SYNPO2: variants seen among roughly 807,000 people sequenced by gnomAD.
SYNPO2 encodes the protein synaptopodin 2, also known as synaptopodin-2.
Under a neutral mutation model 85.0 loss-of-function variants are expected in SYNPO2, and 56 were observed. The ratio of observed to expected loss-of-function variants is 0.66; its 90% CI spans 0.53 to 0.82. SYNPO2 has a LOEUF of 0.82. Ranked by LOEUF, SYNPO2 falls within the 40% of genes least tolerant of loss-of-function variation. The probability of loss-of-function intolerance (pLI) is 0.00; values close to 1 mark genes in which losing one functional copy is unlikely to be tolerated. For missense variants in SYNPO2, 1,575 were observed against 1,534.2 expected, an observed-to-expected ratio of 1.03 and a Z score of -0.44; for synonymous variants, 602 against 591.1, an observed-to-expected ratio of 1.02 and a Z score of -0.27.
chr4:118,981,739 C>T (rs1320967644), intron 1 of SYNPO2, among the ~76,000 whole-genome samples: 1 of 152,172 alleles, frequency 6.6e-6, no homozygotes, highest in African/African-American at 2.4e-5. Flanking sequence ...ACAAAACAAG[C>T]TTGTGGTTGT....
At chr4:118,973,024 A>T (rs1014629431) in intron 1 of SYNPO2, among the ~76,000 whole-genome samples, 4 of 152,212 alleles carry the variant, frequency 2.6e-5, no homozygotes, top group Admixed American at 2.6e-4. Flanking sequence ...CAATGGGCTT[A>T]TACATGCATT....
intron 1 of SYNPO2, among the ~76,000 whole-genome samples, chr4:118,935,679 C>G (rs535500182): frequency 6.6e-6 from 1 of 152,342 alleles, no homozygotes; most frequent in Admixed American, 6.5e-5. Flanking sequence ...TTGACTCCCC[C>G]AAAACTTAGC....
chr4:119,056,385 C>T (rs935709983), intron 4 of SYNPO2, among the ~76,000 whole-genome samples: 2 of 151,792 alleles, frequency 1.3e-5, no homozygotes, highest in African/African-American at 4.8e-5. Flanking sequence ...GAGATCCTGT[C>T]TGTAAAAAAG....
rs76494884 is a variant in SYNPO2 at position 118,949,750 on chromosome 4, A to AAAAATAAAAT, written c.105+60625_105+60634dup. Among the ~76,000 whole-genome samples the AAAAATAAAAT allele has an allele frequency of 6.1e-3, 931 of 151,406 alleles. 41 individuals carry two copies. In the East Asian group the frequency reaches 0.13, roughly 21 times the overall value. ...GGCGACAGAGCAAGACTCTGTCTCA[A>AAAAATAAAAT]AAAATAAAATAAAATAAAATAAAAT... On this transcript the variant is annotated intron_variant, in intron 1 of 4. Transcript: ENST00000307142.
intron 1 of SYNPO2, among the ~76,000 whole-genome samples, chr4:118,940,279 G>A (rs1161693677): frequency 1.3e-5 from 2 of 152,050 alleles, no homozygotes; most frequent in Non-Finnish European, 2.9e-5. Context: ...GAGTCACTGC[G>A]CCTGGCCGCC....
intron 1 of SYNPO2, among the ~76,000 whole-genome samples, chr4:118,858,722 G>A (rs1731555617): frequency 6.6e-6 from 1 of 152,034 alleles, no homozygotes; most frequent in African/African-American, 2.4e-5. Context: ...GGATGACTTG[G>A]GGATAATATA....
At chr4:119,007,120 C>T (rs1314458803) in intron 1 of SYNPO2, among the ~76,000 whole-genome samples, 1 of 147,922 alleles carries the variant, frequency 6.8e-6, no homozygotes, top group Non-Finnish European at 1.5e-5. Context: ...CTCCCCTTCC[C>T]TTTCTCTCTT....
chr4:118,860,389 G>A (rs563571527), intron 1 of SYNPO2, among the ~76,000 whole-genome samples: 25 of 151,760 alleles, frequency 1.6e-4, no homozygotes, highest in African/African-American at 4.8e-4. Context: ...GACTACAGGC[G>A]TGCACCACCA....
intron 1 of SYNPO2, among the ~76,000 whole-genome samples, chr4:118,903,609 C>A (rs1039143210): frequency 1.3e-5 from 2 of 152,066 alleles, no homozygotes; most frequent in Admixed American, 6.6e-5. Context: ...AGTTACTAAT[C>A]AAGATTACTT....
intron 1 of SYNPO2, among the ~76,000 whole-genome samples, chr4:118,994,935 C>G (rs1560956862): frequency 6.6e-6 from 1 of 152,182 alleles, no homozygotes; most frequent in Non-Finnish European, 1.5e-5. Context: ...GGATTTTAGG[C>G]ATATAACCAT....
intron 2 of SYNPO2, among the ~76,000 whole-genome samples, chr4:119,026,348 T>A (rs1033908046): frequency 7.9e-5 from 12 of 152,190 alleles, no homozygotes; most frequent in Admixed American, 7.9e-4. Flanking sequence ...ACGGGATCCA[T>A]GTAGTTTTTT....
chr4:118,860,761 T>C (rs1731594565), intron 1 of SYNPO2, among the ~76,000 whole-genome samples: 1 of 152,108 alleles, frequency 6.6e-6, no homozygotes, highest in Admixed American at 6.6e-5. Context: ...TTCACCATGT[T>C]GGTCAGGATG....
chr4:118,975,085 C>T (rs1735673605), intron 1 of SYNPO2, among the ~76,000 whole-genome samples: 1 of 152,178 alleles, frequency 6.6e-6, no homozygotes, highest in Admixed American at 6.5e-5. Context: ...TTTCAATAAC[C>T]TGTCACACAC....
intron 1 of SYNPO2, among the ~76,000 whole-genome samples, chr4:118,900,737 G>GTTTGTCTATCTA (rs1732721864): frequency 1.2e-5 from 1 of 82,194 alleles, no homozygotes; most frequent in Non-Finnish European, 2.7e-5. Flanking sequence ...ATATATGTCT[G>GTTTGTCTATCTA]TCTGTCTATC....
intron 1 of SYNPO2, among the ~76,000 whole-genome samples, chr4:118,861,314 G>A (rs1036732950): frequency 4.6e-5 from 7 of 152,044 alleles, no homozygotes; most frequent in South Asian, 4.2e-4. Flanking sequence ...CACCACACCC[G>A]GCTAATTTTT....
chr4:118,974,004 G>A (rs1735634882), intron 1 of SYNPO2, among the ~76,000 whole-genome samples: 1 of 152,156 alleles, frequency 6.6e-6, no homozygotes, highest in African/African-American at 2.4e-5. Context: ...ATACAGCTGA[G>A]GACGCTGACT....
At chr4:118,925,871 T>C (rs897449414) in intron 1 of SYNPO2, among the ~76,000 whole-genome samples, 1 of 152,134 alleles carries the variant, frequency 6.6e-6, no homozygotes, top group Non-Finnish European at 1.5e-5. Flanking sequence ...GAAATCTCAG[T>C]GTGACAATTC....
At chr4:118,878,821 G>C (rs1412567777) in intron 1 of SYNPO2, among the ~76,000 whole-genome samples, 1 of 152,190 alleles carries the variant, frequency 6.6e-6, no homozygotes, top group African/African-American at 2.4e-5. Flanking sequence ...GGCCAAATAA[G>C]GGAATAAAAG....
At chr4:119,033,579 T>C (rs1414127781) in intron 4 of SYNPO2, 15 of 985,336 alleles carry the variant, frequency 1.5e-5, no homozygotes, top group East Asian at 1.1e-4. Flanking sequence ...GCAGGAGATA[T>C]GTTTAGAGAC....
Sources: gnomAD v4.1 joint callset for allele counts (sites outside exome capture counted in the v4.1 genomes callset) on GRCh38, gnomAD v4.1.1 for gene constraint, MANE v1.5 for transcripts, NCBI Gene and HGNC (gene_info 2026-07-23, HGNC 2026-07-21) for gene names.